Variants in SLK observed in about 807,000 individuals in gnomAD.
The protein encoded by SLK is STE20-like serine/threonine-protein kinase.
Under a neutral mutation model 147.7 loss-of-function variants are expected in SLK, and 67 were observed. The ratio of observed to expected loss-of-function variants is 0.45; its 90% CI spans 0.37 to 0.56. The LOEUF (loss-of-function observed/expected upper bound fraction) is 0.56. Ranked by LOEUF, SLK falls within the 20% of genes least tolerant of loss-of-function variation. The pLI, the probability that SLK is intolerant of heterozygous loss-of-function variation, is 0.00. For missense variants in SLK, 1,136 were observed against 1,438.8 expected, an observed-to-expected ratio of 0.79 and a Z score of 3.41; for synonymous variants, 441 against 475.0, an observed-to-expected ratio of 0.93 and a Z score of 0.93.
At chr10:104,009,426 A>G (rs7100096) in intron 12 of SLK, among the ~76,000 whole-genome samples, 5,553 of 152,250 alleles carry the variant, frequency 0.036, 179 homozygotes, top group South Asian at 0.11. Context: ...TCAAACATTA[A>G]TAAATACAGT....
At chr10:103,987,124 T>C (rs1397445142) in intron 1 of SLK, among the ~76,000 whole-genome samples, 2 of 152,198 alleles carry the variant, frequency 1.3e-5, no homozygotes, top group East Asian at 1.9e-4. Flanking sequence ...TTTTTAGAAC[T>C]AGATCCTGAT....
At position 104,028,937 on chromosome 10, in the gene SLK, GCTTTT is replaced by G. The variant is rs1285681214; in HGVS notation, c.*3221_*3225del. 1.3e-5 allele frequency: 2 copies of G among 152,194 alleles called. No individual in the cohort carries two copies. Among genetic ancestry groups the G allele is most frequent in the Non-Finnish European group, 2.9e-5 (2 of 68,030 alleles). 9.4% of individuals were successfully genotyped at this position (152,194 alleles called of 1,614,324 possible). On this transcript the variant is annotated 3_prime_UTR_variant, in exon 19 of 19. Coordinates refer to ENST00000369755, the MANE Select transcript of SLK (RefSeq NM_014720.4). ...TAAGAAATGGGGTGATTCTTTAAATGCTTTTCTTAAGTTGAAGGCACAACAGTTAA... is the reference window on the plus strand; with the variant it reads ...TAAGAAATGGGGTGATTCTTTAAATGCTTAAGTTGAAGGCACAACAGTTAA...
rs756851079 is a variant in SLK, at chr10:104,002,746, C to A, written c.1568C>A (p.Thr523Lys). The stretch of plus-strand genomic sequence containing the variant: ...GCAGTTGATAGTGAAGTTGGGCTTA[C>A]AAAGGAAGACACCCAAGAGAAATTG... ...IQAVDSEVGL[T>K]KEDTQEKLGE... is the part of the protein sequence containing the mutation. The change falls in exon 9 of 19, where the codon ACA becomes AAA. Residue 523 changes from threonine (T) to lysine (K), a missense_variant. By Grantham distance (78) the Thr-to-Lys change is moderately conservative (BLOSUM62 -1). Around this residue, in one of 6 missense-constraint regions of SLK, gnomAD observed 516 missense variants for 531.3 expected, o/e 0.97. Transcript: ENST00000369755. The A allele has an allele frequency of 3.7e-6, 6 of 1,613,598 alleles. No homozygotes were observed. The African/African-American group carries it at 5.3e-5, about 14-fold the overall frequency.
At position 104,002,250 on chromosome 10, in the gene SLK, T is replaced by C. The variant is rs765281537; in HGVS notation, c.1072T>C (p.Cys358Arg). Residue 358 changes from cysteine (C) to arginine (R), a missense_variant, in exon 9 of 19, where the codon TGT (cysteine) becomes CGT (arginine). Physicochemically the swap from Cys to Arg is radical, Grantham distance 180. Around this residue, in one of 6 missense-constraint regions of SLK, gnomAD observed 516 missense variants for 531.3 expected, o/e 0.97. Coordinates refer to ENST00000369755, the MANE Select transcript of SLK (RefSeq NM_014720.4). ...AGAAGATAAACTTTCACAAAATGCT[T>C]GTATTTTGGAGTCTGTCTCAGAAAA... ...SEEDKLSQNA[C>R]ILESVSEKTE... 6.2e-7 allele frequency: 1 copy of C among 1,611,854 alleles called. No individual in the cohort carries two copies. Among genetic ancestry groups the C allele is most frequent in the African/African-American group, 1.3e-5 (1 of 74,848 alleles).
Position 104,002,627 on chromosome 10 carries a change from T to C in SLK, c.1449T>C (p.Asn483=). 1 of 1,607,904 alleles carries C rather than the reference T, an allele frequency of 6.2e-7. No homozygotes were observed. Among genetic ancestry groups the C allele is most frequent in the Non-Finnish European group, 8.5e-7 (1 of 1,176,968 alleles). ...KDQEKQQMFE[N]KLIKSEEIKD... is the part of the protein sequence containing the mutation. ...AGGAAAAGCAACAGATGTTTGAAAA[T>C]AAGCTTATAAAATCTGAAGAAATTA... The change falls in exon 9 of 19, where the codon AAT becomes AAC. Residue 483 remains asparagine (N), a synonymous_variant. Coordinates refer to ENST00000369755, the MANE Select transcript of SLK (RefSeq NM_014720.4).
At chr10:103,978,513 G>GA (rs2134450385) in intron 1 of SLK, among the ~76,000 whole-genome samples, 1 of 152,084 alleles carries the variant, frequency 6.6e-6, no homozygotes, top group African/African-American at 2.4e-5. Flanking sequence ...TGAAATTTCA[G>GA]AAAAAATTTT....
intron 10 of SLK, 98 bp downstream of exon 10, chr10:104,005,789 A>T (rs1031683216): frequency 4.8e-6 from 7 of 1,469,808 alleles, no homozygotes; most frequent in African/African-American, 1.4e-5. Context: ...TTATTGGCTA[A>T]TTTTTTTTTA....
rs1844592743 is a variant in SLK, at chr10:104,025,913, T to C, written c.*193T>C. On this transcript the variant is annotated 3_prime_UTR_variant, in exon 19 of 19. Coordinates refer to ENST00000369755, the MANE Select transcript of SLK (RefSeq NM_014720.4). ...AGGGAAAACGAACTAAGACAGACGC[T>C]AGGCCATGTTGGCAAAGTAGCATCT... The C allele has an allele frequency of 1.5e-5, 7 of 463,400 alleles. No individual in the cohort carries two copies. The highest frequency in any genetic ancestry group is 2.6e-5 in the Non-Finnish European group (7 of 265,540). 28.7% of individuals were successfully genotyped at this position (463,400 alleles called of 1,614,324 possible). A position where few individuals can be genotyped will look rare whatever the true frequency, so the allele number is the denominator to read the frequency against.
Position 104,005,484 on chromosome 10 carries a change from T to C in SLK, c.2350-77T>C, listed in dbSNP as rs976787009. 4.5e-6 allele frequency: 6 copies of C among 1,321,476 alleles called. No individual in the cohort carries two copies. The African/African-American group carries it at 6.0e-5, about 13-fold the overall frequency. The allele number at this position is 1,321,476 out of a possible 1,614,324, so 81.9% of individuals were successfully genotyped here. On this transcript the variant is annotated intron_variant, in intron 9 of 18. Transcript: ENST00000369755. ...TGTTTTGTTTTAAAAAAGAAAGAAA[T>C]GTTTAAGGAAGAAGAAAATGTTTTC...
intron 14 of SLK, 121 bp downstream of exon 14, chr10:104,018,410 G>A: frequency 1.1e-6 from 1 of 910,696 alleles, no homozygotes. Flanking sequence ...AAATATATCT[G>A]AATAATTTTG....
At position 103,977,726 on chromosome 10, in the gene SLK, G is replaced by C. The variant is rs578218269; in HGVS notation, c.150+9831G>C. Among the ~76,000 whole-genome samples the C allele has an allele frequency of 2.1e-4, 32 of 152,070 alleles. 1 individual carries two copies. The South Asian group carries it at 6.0e-3, about 29-fold the overall frequency. ...AGTTTATCTTTCCAGCTACTATTTT[G>C]AATGGGATAGTTCTTCCATTATGTT... is the stretch of plus-strand genomic sequence containing the variant. On this transcript the variant is annotated intron_variant, in intron 1 of 18. Transcript: ENST00000369755.
At chr10:103,976,579 C>T (rs1843873846) in intron 1 of SLK, among the ~76,000 whole-genome samples, 1 of 149,436 alleles carries the variant, frequency 6.7e-6, no homozygotes, top group African/African-American at 2.5e-5. Context: ...GGTTATTTGC[C>T]CAATTAAAAA....
chr10:104,010,555 T>C (rs9971120), intron 12 of SLK, among the ~76,000 whole-genome samples: 73,471 of 152,060 alleles, frequency 0.48, 19,114 homozygotes, highest in East Asian at 0.73. Flanking sequence ...TGGTTGTCTT[T>C]GGACCTTTAA....
chr10:103,992,873 T>A (rs1844119307), intron 3 of SLK, 111 bp from the exon 4 acceptor site: 1 of 772,264 alleles, frequency 1.3e-6, no homozygotes, highest in Admixed American at 3.0e-5. Flanking sequence ...TTAAAATAAA[T>A]TCCCTGCATA....
At chr10:104,021,322 T>A (rs1844530374) in intron 17 of SLK, among the ~76,000 whole-genome samples, 1 of 152,232 alleles carries the variant, frequency 6.6e-6, no homozygotes, top group Non-Finnish European at 1.5e-5. Flanking sequence ...GTATGCAGGC[T>A]GCCTTCTGAA....
rs924543550 is a variant in SLK at position 103,978,728 on chromosome 10, G to A, written c.150+10833G>A. On this transcript the variant is annotated intron_variant, in intron 1 of 18. Transcript: ENST00000369755. ...TATAACTACTGAATGTACATATGGAGTATAAAAACAATATTTTATTGTTCT... is the reference window on the plus strand; with the variant it reads ...TATAACTACTGAATGTACATATGGAATATAAAAACAATATTTTATTGTTCT... Among the ~76,000 whole-genome samples, 4 of 152,198 alleles carry A rather than the reference G, an allele frequency of 2.6e-5. No individual in the cohort carries two copies. The South Asian group carries it at 8.3e-4, about 32-fold the overall frequency.
chr10:103,970,670 T>C (rs906507006), intron 1 of SLK, among the ~76,000 whole-genome samples: 1 of 152,206 alleles, frequency 6.6e-6, no homozygotes, highest in Admixed American at 6.5e-5. Flanking sequence ...AACTTCCTTA[T>C]ATTTGGAAGA....
chr10:104,003,413 A>G lies in SLK; in HGVS notation c.2235A>G (p.Glu745=). The change falls in exon 9 of 19, where the codon GAA becomes GAG. Residue 745 remains glutamate (E), a synonymous_variant. Coordinates refer to ENST00000369755, the MANE Select transcript of SLK (RefSeq NM_014720.4). ...ILPPESENPK[E]NDNDSGTGST... ...CACCAGAATCTGAGAATCCAAAGGA[A>G]AATGATAATGATTCAGGCACTGGTT... 6.2e-7 allele frequency: 1 copy of G among 1,614,090 alleles called. No homozygotes were observed. The highest frequency in any genetic ancestry group is 8.5e-7 in the Non-Finnish European group (1 of 1,179,946).
chr10:104,016,341 A>G (rs1055519096), intron 13 of SLK, among the ~76,000 whole-genome samples: 1 of 152,044 alleles, frequency 6.6e-6, no homozygotes, highest in Non-Finnish European at 1.5e-5. Context: ...GAAAAATTTT[A>G]CAATTGAAAT....
Sources: allele counts gnomAD v4.1 joint callset (sites outside exome capture counted in the v4.1 genomes callset), GRCh38; gene constraint gnomAD v4.1.1; regional missense constraint gnomAD v4.1.1; transcripts MANE v1.5; gene names NCBI Gene and HGNC (gene_info 2026-07-23, HGNC 2026-07-21).